Variants in YIPF5 observed in about 807,000 individuals in gnomAD.
YIPF5 encodes Yip1 domain family member 5.
Under a neutral mutation model 30.4 loss-of-function variants are expected in YIPF5, and 8 were observed. The observed-to-expected ratio is 0.26, with a 90% CI of 0.15 to 0.47. The LOEUF is 0.47. YIPF5 is among the 20% of genes least tolerant of loss of function. The pLI, the probability that YIPF5 is intolerant of heterozygous loss-of-function variation, is 0.99. For synonymous variants in YIPF5, 104 were observed against 107.9 expected (o/e 0.96, Z 0.23); for missense variants, 282 against 301.8 (o/e 0.93, Z 0.49).
intron 5 of YIPF5, among the ~76,000 whole-genome samples, chr5:144,162,006 T>G (rs1248097841): frequency 6.6e-6 from 1 of 152,222 alleles, no homozygotes; most frequent in Non-Finnish European, 1.5e-5. Context: ...GTGAAATTCT[T>G]GATCATGAGT....
chr5:144,159,671 T>G lies in YIPF5; in HGVS notation c.*726A>C. On this transcript the variant is annotated 3_prime_UTR_variant, in exon 6 of 6. Coordinates refer to ENST00000274496, the MANE Select transcript of YIPF5 (RefSeq NM_030799.9). ...AAGGCAATTTTTCTTTCCTAAATCC[T>G]TGGAAAAATATTTTTGCAGTAAGTC... 3.0e-6 allele frequency: 3 copies of G among 985,010 alleles called. No individual in the cohort carries two copies. Among genetic ancestry groups the G allele is most frequent in the Non-Finnish European group, 3.6e-6 (3 of 829,810 alleles). The allele number at this position is 985,010 out of a possible 1,614,324, so 61.0% of individuals were successfully genotyped here.
In YIPF5 at chr5:144,159,669, C is replaced by T. The variant is rs552065539; in HGVS notation, c.*728G>A. 9 of 983,478 alleles carry T rather than the reference C, an allele frequency of 9.2e-6. No individual in the cohort carries two copies. The African/African-American group carries it at 1.1e-4, about 12-fold the overall frequency. The allele number at this position is 983,478 out of a possible 1,614,324, so 60.9% of individuals were successfully genotyped here. The stretch of plus-strand genomic sequence containing the variant: ...ACAAGGCAATTTTTCTTTCCTAAAT[C>T]CTTGGAAAAATATTTTTGCAGTAAG... On this transcript the variant is annotated 3_prime_UTR_variant, in exon 6 of 6. Transcript: ENST00000274496.
Position 144,162,343 on chromosome 5 carries a change from T to A in YIPF5, c.486A>T (p.Gly162=). The A allele has an allele frequency of 6.2e-7, 1 of 1,614,040 alleles. No individual in the cohort carries two copies. Among genetic ancestry groups the A allele is most frequent in the Non-Finnish European group, 8.5e-7 (1 of 1,179,970 alleles). The change falls in exon 5 of 6, where the codon GGA becomes GGT. Residue 162 remains glycine, a synonymous_variant. Coordinates refer to ENST00000274496, the MANE Select transcript of YIPF5 (RefSeq NM_030799.9). The stretch of plus-strand genomic sequence containing the variant: ...TCATTAAGTTTAATAAACAAAACAT[T>A]CCTAGACATCCAATTGCACTGATCC... ...VYGISAIGCL[G]MFCLLNLMSM...
In YIPF5 at chr5:144,158,259, G is replaced by T; in HGVS notation, c.*2138C>A. On this transcript the variant is annotated 3_prime_UTR_variant, in exon 6 of 6. Coordinates refer to ENST00000274496, the MANE Select transcript of YIPF5 (RefSeq NM_030799.9). ...GTTTTGGCTATATACAACTCTGCAT[G>T]TAATCAAACTCTAGAACATCAAATG... is the stretch of plus-strand genomic sequence containing the variant. 2.4e-6 allele frequency: 1 copy of T among 418,792 alleles called. No homozygotes were observed. Among genetic ancestry groups the T allele is most frequent in the Non-Finnish European group, 4.1e-6 (1 of 242,862 alleles). 25.9% of individuals were successfully genotyped at this position (418,792 alleles called of 1,614,324 possible).
At chr5:144,168,778 A>G (rs1046922371) in intron 2 of YIPF5, among the ~76,000 whole-genome samples, 6 of 152,340 alleles carry the variant, frequency 3.9e-5, no homozygotes, top group Middle Eastern at 3.4e-3. Flanking sequence ...ACACTATTAC[A>G]GAGCCACAGT....
intron 2 of YIPF5, among the ~76,000 whole-genome samples, chr5:144,167,820 T>C (rs1752241884): frequency 6.6e-6 from 1 of 152,232 alleles, no homozygotes; most frequent in African/African-American, 2.4e-5. Context: ...TATTTGCACC[T>C]AGATTTTCAC....
intron 3 of YIPF5, 68 bp from the exon 4 acceptor site, chr5:144,164,324 C>A: frequency 1.4e-6 from 2 of 1,413,734 alleles, no homozygotes. Context: ...CAAAATCTAT[C>A]CTGAAACAAG....
At chr5:144,168,972 AAGTT>A (rs1226843281) in intron 2 of YIPF5, among the ~76,000 whole-genome samples, 1 of 152,200 alleles carries the variant, frequency 6.6e-6, no homozygotes, top group Non-Finnish European at 1.5e-5. Flanking sequence ...GAATTGTCTG[AAGTT>A]ATATATGCAC....
At chr5:144,168,408 T>C (rs1272514473) in intron 2 of YIPF5, among the ~76,000 whole-genome samples, 2 of 152,140 alleles carry the variant, frequency 1.3e-5, no homozygotes, top group Non-Finnish European at 2.9e-5. Flanking sequence ...CAGGCCTGCA[T>C]AGAGAGACAG....
intron 5 of YIPF5, 129 bp downstream of exon 5, chr5:144,162,089 C>G (rs1357157920): frequency 5.2e-6 from 5 of 965,500 alleles, no homozygotes; most frequent in African/African-American, 4.9e-5. Context: ...CCATTTGGCA[C>G]TGTCCCTACT....
At position 144,158,198 on chromosome 5, in the gene YIPF5, A is replaced by G; in HGVS notation, c.*2199T>C. ...CAGTACAACAGTCTTTAATGTATAT[A>G]TAAATATGCCTACATAACAGAGTTT... On this transcript the variant is annotated 3_prime_UTR_variant, in exon 6 of 6. Coordinates refer to ENST00000274496, the MANE Select transcript of YIPF5 (RefSeq NM_030799.9). 6.9e-6 allele frequency: 2 copies of G among 291,108 alleles called. No homozygotes were observed. Among genetic ancestry groups the G allele is most frequent in the Non-Finnish European group, 1.3e-5 (2 of 154,688 alleles). The allele number at this position is 291,108 out of a possible 1,614,324, so 18.0% of individuals were successfully genotyped here.
At chr5:144,168,152 G>A (rs1156603838) in intron 2 of YIPF5, among the ~76,000 whole-genome samples, 1 of 152,180 alleles carries the variant, frequency 6.6e-6, no homozygotes, top group Non-Finnish European at 1.5e-5. Flanking sequence ...TGGTTGGAAT[G>A]AAACTGTGAG....
In YIPF5 at chr5:144,158,494, A is replaced by T; in HGVS notation, c.*1903T>A. ...TATTTGGCTGAAGATTAACAGTGTT[A>T]AGTCTAACCAACAGCGAGATAATTT... On this transcript the variant is annotated 3_prime_UTR_variant, in exon 6 of 6. Transcript: ENST00000274496. 8.1e-7 allele frequency: 1 copy of T among 1,233,786 alleles called. No individual in the cohort carries two copies. Among genetic ancestry groups the T allele is most frequent in the Non-Finnish European group, 1.0e-6 (1 of 970,606 alleles). 76.4% of individuals were successfully genotyped at this position (1,233,786 alleles called of 1,614,324 possible). A position where few individuals can be genotyped will look rare whatever the true frequency, so the allele number is the denominator to read the frequency against.
Position 144,160,078 on chromosome 5 carries a change from C to T in YIPF5, c.*319G>A. 1 of 1,019,896 alleles carries T rather than the reference C, an allele frequency of 9.8e-7. No individual in the cohort carries two copies. Among genetic ancestry groups the T allele is most frequent in the South Asian group, 4.5e-5 (1 of 22,426 alleles). The allele number at this position is 1,019,896 out of a possible 1,614,324, so 63.2% of individuals were successfully genotyped here. A position where few individuals can be genotyped will look rare whatever the true frequency, so the allele number is the denominator to read the frequency against. ...TATCAGCTTTGTGTTTGGTTTCCCACAGTTGATAAAAATCTATCAAAAACA... is the reference window on the plus strand; with the variant it reads ...TATCAGCTTTGTGTTTGGTTTCCCATAGTTGATAAAAATCTATCAAAAACA... On this transcript the variant is annotated 3_prime_UTR_variant, in exon 6 of 6. Transcript: ENST00000274496.
intron 2 of YIPF5, among the ~76,000 whole-genome samples, chr5:144,168,487 G>C (rs1181175351): frequency 2.0e-5 from 3 of 152,066 alleles, no homozygotes; most frequent in Non-Finnish European, 4.4e-5. Context: ...CCTATACACA[G>C]AGCAATCACC....
intron 2 of YIPF5, among the ~76,000 whole-genome samples, chr5:144,166,518 T>C (rs1280540627): frequency 6.6e-6 from 1 of 152,182 alleles, no homozygotes; most frequent in African/African-American, 2.4e-5. Flanking sequence ...TTAGAAAACC[T>C]TTAGTCTAAT....
chr5:144,167,892 A>G (rs1449494609), intron 2 of YIPF5, among the ~76,000 whole-genome samples: 2 of 150,742 alleles, frequency 1.3e-5, no homozygotes, highest in East Asian at 3.8e-4. Flanking sequence ...CAAACAAAAT[A>G]TTATTTGGTT....
chr5:144,158,914 TAAAA>T lies in YIPF5; in HGVS notation c.*1479_*1482del, dbSNP rs11370080. 7 of 839,616 alleles carry T rather than the reference TAAAA, an allele frequency of 8.3e-6. No individual in the cohort carries two copies. The highest frequency in any genetic ancestry group is 8.6e-6 in the Non-Finnish European group (6 of 700,936). 52.0% of individuals were successfully genotyped at this position (839,616 alleles called of 1,614,324 possible). A position where few individuals can be genotyped will look rare whatever the true frequency, so the allele number is the denominator to read the frequency against. On this transcript the variant is annotated 3_prime_UTR_variant, in exon 6 of 6. Transcript: ENST00000274496. ...TTTCTATTTAGTCTGAAAATCTCTT[TAAAA>T]AAAAAAAAAAGGCAGTATTTTCCTC... is the stretch of plus-strand genomic sequence containing the variant.
At position 144,160,176 on chromosome 5, in the gene YIPF5, A is replaced by C; in HGVS notation, c.*221T>G. On this transcript the variant is annotated 3_prime_UTR_variant, in exon 6 of 6. Transcript: ENST00000274496. ...AAGAAATAGCATTTCTTATCTGTATAAACACAAACATTTAAAGCTAGTCAC... is the reference window on the plus strand; with the variant it reads ...AAGAAATAGCATTTCTTATCTGTATCAACACAAACATTTAAAGCTAGTCAC... The C allele has an allele frequency of 7.8e-7, 1 of 1,274,672 alleles. No homozygotes were observed. Among genetic ancestry groups the C allele is most frequent in the Non-Finnish European group, 9.9e-7 (1 of 1,012,348 alleles). 79.0% of individuals were successfully genotyped at this position (1,274,672 alleles called of 1,614,324 possible).
Sources: gnomAD v4.1 joint callset for allele counts (sites outside exome capture counted in the v4.1 genomes callset) on GRCh38, gnomAD v4.1.1 for gene constraint, MANE v1.5 for transcripts, NCBI Gene and HGNC (gene_info 2026-07-23, HGNC 2026-07-21) for gene names.